The following AXIN2 variants were observed in gnomAD, a reference collection of about 807,000 sequenced individuals.
AXIN2 encodes the protein axin 2.
In AXIN2, 21 loss-of-function variants were observed where a neutral mutation model predicts 74.7. The ratio of observed to expected loss-of-function variants is 0.28; its 90% CI spans 0.20 to 0.40. The LOEUF is 0.40. Among genes scored for constraint, AXIN2 ranks in the 10% least tolerant of loss-of-function variants. AXIN2 has a pLI of 1.00. For missense variants in AXIN2, 1,144 were observed against 1,111.1 expected, an observed-to-expected ratio of 1.03 and a Z score of -0.42; for synonymous variants, 532 against 454.9, an observed-to-expected ratio of 1.17 and a Z score of -2.16.
At chr17:65,551,974 TCA>T (rs1302646216) in intron 2 of AXIN2, among the ~76,000 whole-genome samples, 1 of 152,174 alleles carries the variant, frequency 6.6e-6, no homozygotes, top group African/African-American at 2.4e-5. Context: ...CTTGTGACCG[TCA>T]CTTGGACACT....
chr17:65,532,981 A>C (rs1480674915), intron 10 of AXIN2, among the ~76,000 whole-genome samples: 1 of 152,194 alleles, frequency 6.6e-6, no homozygotes, highest in African/African-American at 2.4e-5. Flanking sequence ...GAATCCACAC[A>C]TTCTCTTGGG....
intron 4 of AXIN2, among the ~76,000 whole-genome samples, chr17:65,540,339 T>C (rs147980985): frequency 2.4e-4 from 37 of 152,274 alleles, no homozygotes; most frequent in African/African-American, 8.9e-4. Flanking sequence ...TCTCTGTGCA[T>C]ACAGAGGTTA....
chr17:65,531,792 TCTGGCACCA>T (rs2043823257), intron 10 of AXIN2, among the ~76,000 whole-genome samples: 1 of 152,182 alleles, frequency 6.6e-6, no homozygotes, highest in Admixed American at 6.5e-5. Context: ...TCTTCTGACA[TCTGGCACCA>T]ACAGCGTCTG....
At chr17:65,538,061 C>G (rs1344679882) in intron 5 of AXIN2, 142 bp downstream of exon 5, 1 of 1,477,252 alleles carries the variant, frequency 6.8e-7, no homozygotes, top group Non-Finnish European at 9.2e-7. Context: ...CACGCCCAGG[C>G]ACACACCCAC....
At chr17:65,531,730 C>A (rs1212023964) in intron 10 of AXIN2, among the ~76,000 whole-genome samples, 1 of 152,122 alleles carries the variant, frequency 6.6e-6, no homozygotes. Flanking sequence ...CTCATTTTCT[C>A]CAAGAAACAG....
chr17:65,552,588 C>G (rs1435970130), intron 2 of AXIN2, among the ~76,000 whole-genome samples: 4 of 152,178 alleles, frequency 2.6e-5, no homozygotes, highest in African/African-American at 9.7e-5. Context: ...CACAACCCCT[C>G]CAGAGGTGGG....
At chr17:65,531,920 C>A (rs1287579195) in intron 10 of AXIN2, among the ~76,000 whole-genome samples, 1 of 151,936 alleles carries the variant, frequency 6.6e-6, no homozygotes, top group Non-Finnish European at 1.5e-5. Flanking sequence ...CCCAACCTCA[C>A]TGGGTCTTTT....
Position 65,538,334 on chromosome 17 carries a change from G to T in AXIN2, c.1069C>A (p.Arg357Ser). 6.2e-7 allele frequency: 1 copy of T among 1,614,164 alleles called. No homozygotes were observed. Among genetic ancestry groups the T allele is most frequent in the Non-Finnish European group, 8.5e-7 (1 of 1,180,034 alleles). ...ACGGGGGTCATCTCCTTGGGCAGGC[G>T]GTGGGTTCTCTACAGGACGTGGAAA... ...VSLPHFPRTH[R>S]LPKEMTPVEP... is the part of the protein sequence containing the mutation. Residue 357 changes from arginine (R) to serine (S), a missense_variant, in exon 5 of 11, where the codon CGC becomes AGC. By Grantham distance (110) the Arg-to-Ser change is moderately radical. This residue lies in a region of AXIN2 where 1,053 missense variants were observed against 973.5 expected (regional missense o/e 1.08). Coordinates refer to ENST00000307078, the MANE Select transcript of AXIN2 (RefSeq NM_004655.4).
intron 3 of AXIN2, among the ~76,000 whole-genome samples, chr17:65,546,443 C>A (rs994380695): frequency 6.6e-6 from 1 of 152,182 alleles, no homozygotes; most frequent in Admixed American, 6.5e-5. Flanking sequence ...GGCCAGTCGG[C>A]CAGAGAACAC....
chr17:65,540,691 T>G (rs2144494877), intron 4 of AXIN2, among the ~76,000 whole-genome samples: 1 of 152,222 alleles, frequency 6.6e-6, no homozygotes, highest in Non-Finnish European at 1.5e-5. Context: ...GAGATCTGGT[T>G]GTTTGAAAGA....
intron 10 of AXIN2, among the ~76,000 whole-genome samples, chr17:65,531,148 A>G (rs1446963806): frequency 6.6e-6 from 1 of 151,884 alleles, no homozygotes; most frequent in Admixed American, 6.6e-5. Context: ...CCTTTCAAGC[A>G]TTTAATTGTG....
intron 7 of AXIN2, 144 bp downstream of exon 7, chr17:65,536,725 C>A: frequency 7.0e-7 from 1 of 1,432,306 alleles, no homozygotes; most frequent in Non-Finnish European, 9.8e-7. Flanking sequence ...TTGTGGTCTG[C>A]TCAGTCCAAC....
rs762065083 is a variant in AXIN2, at chr17:65,531,425, G to C, written c.2406-1323C>G. Among the ~76,000 whole-genome samples, 17 of 151,914 alleles carry C rather than the reference G, an allele frequency of 1.1e-4. 1 individual carries two copies. The highest frequency in any genetic ancestry group is 1.9e-4 in the Non-Finnish European group (13 of 68,000). On this transcript the variant is annotated intron_variant, in intron 10 of 10. Transcript: ENST00000307078. ...GTCATGTCAAGGGGTCAAAATTCTC[G>C]GGGGAGCGTGAGAGGAGACAGTGAG...
In AXIN2 at chr17:65,535,862, C is replaced by T. The variant is rs1385613280; in HGVS notation, c.2142-141G>A. Reference sequence around the variant, plus strand: ...TCCTTACGGAGACCCAACCAAGACCCTGGGTTAACAGTGGCTGAAGAGGCC... The same window carrying T: ...TCCTTACGGAGACCCAACCAAGACCTTGGGTTAACAGTGGCTGAAGAGGCC... On this transcript the variant is annotated intron_variant, in intron 8 of 10. Transcript: ENST00000307078. The T allele has an allele frequency of 5.1e-6, 4 of 787,396 alleles. No individual in the cohort carries two copies. In the African/African-American group the frequency reaches 5.1e-5, roughly 10 times the overall value. The allele number at this position is 787,396 out of a possible 1,614,324, so 48.8% of individuals were successfully genotyped here.
At position 65,557,806 on chromosome 17, in the gene AXIN2, C is replaced by G. The variant is rs748265281; in HGVS notation, c.815G>C (p.Arg272Thr). 6.2e-7 allele frequency: 1 copy of G among 1,614,194 alleles called. No individual in the cohort carries two copies. ...RSTETVDSGY[R>T]SFKRSDPVNP... ...CCACCCGCCCCCGTCAAAGTCTTAC[C>G]TGTATCCACTGTCAACAGTTTCCGT... is the stretch of plus-strand genomic sequence containing the variant. The change falls in exon 2 of 11, where the codon AGG becomes ACG. Residue 272 changes from arginine to threonine, a missense_variant and splice_region_variant. Physicochemically the swap from Arg to Thr is moderately conservative, Grantham distance 71. Coordinates refer to ENST00000307078, the MANE Select transcript of AXIN2 (RefSeq NM_004655.4).
chr17:65,536,967 A>C lies in AXIN2; in HGVS notation c.1809T>G (p.Ala603=), dbSNP rs774539942. Residue 603 remains alanine (A), a synonymous_variant, in exon 7 of 11, where the codon GCT becomes GCG. Transcript: ENST00000307078. ...PAREGGAPGG[A]GALQLPREEG... ...CCTCCCGGGGAAGCTGCAGGGCCCC[A>C]GCTCCGCCGGGGGCCCCTCCTTCCC... is the stretch of plus-strand genomic sequence containing the variant. 1.2e-6 allele frequency: 2 copies of C among 1,613,180 alleles called. No individual in the cohort carries two copies. Among genetic ancestry groups the C allele is most frequent in the East Asian group, 2.2e-5 (1 of 44,830 alleles).
chr17:65,554,494 T>C (rs980206088), intron 2 of AXIN2, among the ~76,000 whole-genome samples: 7 of 152,248 alleles, frequency 4.6e-5, no homozygotes, highest in African/African-American at 1.7e-4. Flanking sequence ...GGCAAACTTT[T>C]ACAAGTGGAT....
chr17:65,533,839 G>A (rs995601649), intron 10 of AXIN2, 73 bp downstream of exon 10: 1 of 1,524,876 alleles, frequency 6.6e-7, no homozygotes, highest in Middle Eastern at 2.3e-4. Flanking sequence ...TCAGCCAGGG[G>A]AGCTGCTCCA....
intron 2 of AXIN2, among the ~76,000 whole-genome samples, chr17:65,556,223 C>T (rs1371674388): frequency 6.6e-6 from 1 of 152,164 alleles, no homozygotes; most frequent in Non-Finnish European, 1.5e-5. Context: ...ACTCTGGTCC[C>T]GGCAGTGGGA....
Sources: gnomAD v4.1 joint callset for allele counts (sites outside exome capture counted in the v4.1 genomes callset) on GRCh38, gnomAD v4.1.1 for gene constraint, gnomAD v4.1.1 regional missense constraint, MANE v1.5 for transcripts, NCBI Gene and HGNC (gene_info 2026-07-23, HGNC 2026-07-21) for gene names.